GREM1: variants seen among roughly 807,000 people sequenced by gnomAD.
GREM1 encodes the protein gremlin-1.
In GREM1, 6 loss-of-function variants were observed where a neutral mutation model predicts 13.1. That is an observed-to-expected ratio of 0.46 (90% CI 0.25 to 0.91). The LOEUF (loss-of-function observed/expected upper bound fraction) is 0.91, where lower values mean the gene tolerates loss of function less well. Ranked by LOEUF, GREM1 falls within the 40% of genes least tolerant of loss-of-function variation. The pLI, the probability that GREM1 is intolerant of heterozygous loss-of-function variation, is 0.18. For missense variants in GREM1, 185 were observed against 233.9 expected, an observed-to-expected ratio of 0.79 and a Z score of 1.36; for synonymous variants, 98 against 93.7, an observed-to-expected ratio of 1.05 and a Z score of -0.27.
At position 32,741,450 on chromosome 15, in the gene GREM1, C is replaced by T. The variant is rs1370481305; in HGVS notation, c.*10205C>T. 1 of 151,258 alleles carries T rather than the reference C, an allele frequency of 6.6e-6. No individual in the cohort carries two copies. The highest frequency in any genetic ancestry group is 1.5e-5 in the Non-Finnish European group (1 of 67,810). The allele number at this position is 151,258 out of a possible 1,614,324, so 9.4% of individuals were successfully genotyped here. On this transcript the variant is annotated 3_prime_UTR_variant, in exon 2 of 2. Coordinates refer to ENST00000651154, the MANE Select transcript of GREM1 (RefSeq NM_013372.7). ...TTTTTTTTGCTGCTATTACAAATAGCATTGTTTTCCTAATTTTTGTTTAAG... is the reference window on the plus strand; with the variant it reads ...TTTTTTTTGCTGCTATTACAAATAGTATTGTTTTCCTAATTTTTGTTTAAG...
chr15:32,718,729 G>A (rs555333694), intron 1 of GREM1: 2 of 343,590 alleles, frequency 5.8e-6, no homozygotes, highest in South Asian at 4.4e-5. Flanking sequence ...CAAGGGCAGA[G>A]CCGCTGTGTT....
Position 32,743,320 on chromosome 15 carries a change from T to G in GREM1, c.*12075T>G, listed in dbSNP as rs2055777589. On this transcript the variant is annotated 3_prime_UTR_variant, in exon 2 of 2. Transcript: ENST00000651154. ...CAGCCACCTTTCCCAGGTATATGGA[T>G]GAAACTATCTGAAGGATGAAGCCTC... 1 of 152,196 alleles carries G rather than the reference T, an allele frequency of 6.6e-6. No homozygotes were observed. Among genetic ancestry groups the G allele is most frequent in the African/African-American group, 2.4e-5 (1 of 41,448 alleles). The allele number at this position is 152,196 out of a possible 1,614,324, so 9.4% of individuals were successfully genotyped here.
In GREM1 at chr15:32,718,138, C is replaced by G. The variant is rs1412782279; in HGVS notation, c.-25C>G. 1 of 1,310,308 alleles carries G rather than the reference C, an allele frequency of 7.6e-7. No homozygotes were observed. The highest frequency in any genetic ancestry group is 1.0e-6 in the Non-Finnish European group (1 of 1,003,124). The allele number at this position is 1,310,308 out of a possible 1,614,324, so 81.2% of individuals were successfully genotyped here. A position where few individuals can be genotyped will look rare whatever the true frequency, so the allele number is the denominator to read the frequency against. The stretch of plus-strand genomic sequence containing the variant: ...AGCGCCACGCGTCGAAAGCGCAGGC[C>G]CCGAGGACCCGCCGCACTGACAGGT... On this transcript the variant is annotated 5_prime_UTR_variant, in exon 1 of 2. Coordinates refer to ENST00000651154, the MANE Select transcript of GREM1 (RefSeq NM_013372.7).
intron 1 of GREM1, chr15:32,719,080 G>C (rs1401911561): frequency 1.3e-5 from 2 of 154,164 alleles, no homozygotes; most frequent in South Asian, 2.1e-4. Flanking sequence ...AGGCGGGTTG[G>C]CGGCTGCAAC....
At chr15:32,725,976 G>A (rs1264427875) in intron 1 of GREM1, among the ~76,000 whole-genome samples, 1 of 152,134 alleles carries the variant, frequency 6.6e-6, no homozygotes, top group Non-Finnish European at 1.5e-5. Flanking sequence ...TGAGGCCTCT[G>A]TTCTGTTCCA....
intron 1 of GREM1, chr15:32,718,720 A>C: frequency 2.9e-6 from 1 of 349,490 alleles, no homozygotes; most frequent in Non-Finnish European, 5.7e-6. Context: ...GGAGACTGGC[A>C]AGGGCAGAGC....
At position 32,734,270 on chromosome 15, in the gene GREM1, C is replaced by T. The variant is rs768992758; in HGVS notation, c.*3025C>T. 2.9e-5 allele frequency: 7 copies of T among 243,530 alleles called. No homozygotes were observed. The highest frequency in any genetic ancestry group is 5.7e-5 in the Admixed American group (1 of 17,654). The allele number at this position is 243,530 out of a possible 1,614,324, so 15.1% of individuals were successfully genotyped here. On this transcript the variant is annotated 3_prime_UTR_variant, in exon 2 of 2. Coordinates refer to ENST00000651154, the MANE Select transcript of GREM1 (RefSeq NM_013372.7). ...TTTAAATGTTATTTTGGAAGACTTA[C>T]GATGCATGTATACAAACGAATAGCA...
chr15:32,725,736 C>A (rs985348590), intron 1 of GREM1, among the ~76,000 whole-genome samples: 13 of 152,276 alleles, frequency 8.5e-5, no homozygotes, highest in African/African-American at 2.9e-4. Flanking sequence ...AATTGTATTG[C>A]CCTGGTTTTC....
In GREM1 at chr15:32,741,516, T is replaced by G. The variant is rs2055761194; in HGVS notation, c.*10271T>G. On this transcript the variant is annotated 3_prime_UTR_variant, in exon 2 of 2. Transcript: ENST00000651154. ...TATAGAAATGCCATTGATTTTTGTA[T>G]GTTGATTTTGTATCCTCCAACTTTA... The G allele has an allele frequency of 6.6e-6, 1 of 152,128 alleles. No homozygotes were observed. The highest frequency in any genetic ancestry group is 1.5e-5 in the Non-Finnish European group (1 of 68,012). 9.4% of individuals were successfully genotyped at this position (152,128 alleles called of 1,614,324 possible). A position where few individuals can be genotyped will look rare whatever the true frequency, so the allele number is the denominator to read the frequency against.
intron 1 of GREM1, among the ~76,000 whole-genome samples, chr15:32,721,860 A>G (rs1289485166): frequency 1.3e-5 from 2 of 152,206 alleles, no homozygotes; most frequent in African/African-American, 2.4e-5. Flanking sequence ...TTAATAATTT[A>G]TTACTTTCTA....
Position 32,734,610 on chromosome 15 carries a change from T to A in GREM1, c.*3365T>A. On this transcript the variant is annotated 3_prime_UTR_variant, in exon 2 of 2. Transcript: ENST00000651154. ...AACTAGAATTTAATTTTCACCCCAA[T>A]AATGTTCTATATAGCCTTTGCTAAA... The A allele has an allele frequency of 4.1e-6, 1 of 246,182 alleles. No individual in the cohort carries two copies. The highest frequency in any genetic ancestry group is 6.1e-5 in the East Asian group (1 of 16,312). 15.2% of individuals were successfully genotyped at this position (246,182 alleles called of 1,614,324 possible). A position where few individuals can be genotyped will look rare whatever the true frequency, so the allele number is the denominator to read the frequency against.
chr15:32,734,450 T>C lies in GREM1; in HGVS notation c.*3205T>C, dbSNP rs943516012. ...AAGATATTTAATATCAACTGCATTATGTATTATGTCTGCTTAAATCATTTA... is the reference window on the plus strand; with the variant it reads ...AAGATATTTAATATCAACTGCATTACGTATTATGTCTGCTTAAATCATTTA... On this transcript the variant is annotated 3_prime_UTR_variant, in exon 2 of 2. Transcript: ENST00000651154. The C allele has an allele frequency of 4.1e-6, 1 of 246,626 alleles. No homozygotes were observed. Among genetic ancestry groups the C allele is most frequent in the Non-Finnish European group, 8.5e-6 (1 of 117,214 alleles). 15.3% of individuals were successfully genotyped at this position (246,626 alleles called of 1,614,324 possible).
In GREM1 at chr15:32,738,125, A is replaced by AAAAAAAAAAAAACAAACAAACAAAC; in HGVS notation, c.*6888_*6889insAAAACAAACAAACAAACAAAAAAAA. The AAAAAAAAAAAAACAAACAAACAAAC allele has an allele frequency of 3.6e-5, 1 of 27,966 alleles. No individual in the cohort carries two copies. The highest frequency in any genetic ancestry group is 1.5e-4 in the African/African-American group (1 of 6,582). The allele number at this position is 27,966 out of a possible 1,614,324, so 1.7% of individuals were successfully genotyped here. ...AAAAAAAAAAAAAAAAAAAAAAAAA[A>AAAAAAAAAAAAACAAACAAACAAAC]AAAAAAAAGAAAAGAAAAAAGTCAT... On this transcript the variant is annotated 3_prime_UTR_variant, in exon 2 of 2. Coordinates refer to ENST00000651154, the MANE Select transcript of GREM1 (RefSeq NM_013372.7).
Position 32,740,670 on chromosome 15 carries a change from T to G in GREM1, c.*9425T>G, listed in dbSNP as rs1348497999. ...AAGAGAGAAAAGAACTGAGAACGTA[T>G]TCAAAGAAATAATGGCTGAACACTT... On this transcript the variant is annotated 3_prime_UTR_variant, in exon 2 of 2. Coordinates refer to ENST00000651154, the MANE Select transcript of GREM1 (RefSeq NM_013372.7). 3 of 152,126 alleles carry G rather than the reference T, an allele frequency of 2.0e-5. No individual in the cohort carries two copies. The highest frequency in any genetic ancestry group is 7.2e-5 in the African/African-American group (3 of 41,428). 9.4% of individuals were successfully genotyped at this position (152,126 alleles called of 1,614,324 possible). A position where few individuals can be genotyped will look rare whatever the true frequency, so the allele number is the denominator to read the frequency against.
chr15:32,726,305 C>T (rs2140680271), intron 1 of GREM1, among the ~76,000 whole-genome samples: 1 of 152,118 alleles, frequency 6.6e-6, no homozygotes, highest in Middle Eastern at 3.4e-3. Flanking sequence ...CTGTCAGACC[C>T]CAGTGCAATC....
chr15:32,720,812 A>G (rs894546856), intron 1 of GREM1, among the ~76,000 whole-genome samples: 7 of 152,218 alleles, frequency 4.6e-5, no homozygotes, highest in Non-Finnish European at 8.8e-5. Flanking sequence ...CTGGGTGTCA[A>G]TAGGACAGTG....
chr15:32,723,053 T>A (rs1458439910), intron 1 of GREM1, among the ~76,000 whole-genome samples: 1 of 152,164 alleles, frequency 6.6e-6, no homozygotes, highest in African/African-American at 2.4e-5. Flanking sequence ...CCATAAAGTG[T>A]TTGCAGCTAA....
In GREM1 at chr15:32,737,110, A is replaced by G. The variant is rs887368379; in HGVS notation, c.*5865A>G. On this transcript the variant is annotated 3_prime_UTR_variant, in exon 2 of 2. Transcript: ENST00000651154. ...AAATCTGAATAGAGCTATCACAAGTAAAGAGATTAAATAAGCAATCAAATA... is the reference window on the plus strand; with the variant it reads ...AAATCTGAATAGAGCTATCACAAGTGAAGAGATTAAATAAGCAATCAAATA... 6.6e-6 allele frequency: 1 copy of G among 152,218 alleles called. No individual in the cohort carries two copies. The highest frequency in any genetic ancestry group is 2.4e-5 in the African/African-American group (1 of 41,454). 9.4% of individuals were successfully genotyped at this position (152,218 alleles called of 1,614,324 possible).
intron 1 of GREM1, chr15:32,718,909 C>T (rs1168321103): frequency 7.9e-5 from 15 of 189,782 alleles, no homozygotes; most frequent in Non-Finnish European, 1.6e-4. Context: ...GCCTCTTCCC[C>T]GCCCCGCGCA....
Sources: gnomAD v4.1 joint callset for allele counts (sites outside exome capture counted in the v4.1 genomes callset) on GRCh38, gnomAD v4.1.1 for gene constraint, MANE v1.5 for transcripts, NCBI Gene and HGNC (gene_info 2026-07-23, HGNC 2026-07-21) for gene names.